Variants in EML2 observed in about 807,000 individuals in gnomAD.
EML2 encodes the protein echinoderm microtubule-associated protein-like 2.
A neutral mutation model predicts 84.7 loss-of-function variants in EML2; 59 were observed. That is an observed-to-expected ratio of 0.70 (90% CI 0.56 to 0.86). The LOEUF is 0.86. EML2 is among the 40% of genes least tolerant of loss of function. The pLI, the probability that EML2 is intolerant of heterozygous loss-of-function variation, is 0.00. For synonymous variants in EML2, 352 were observed against 348.9 expected (o/e 1.01, Z -0.10); for missense variants, 818 against 855.6 (o/e 0.96, Z 0.55).
At chr19:45,625,809 C>A (rs1045977423) in intron 8 of EML2, among the ~76,000 whole-genome samples, 15 of 152,214 alleles carry the variant, frequency 9.9e-5, no homozygotes, top group African/African-American at 3.6e-4. Flanking sequence ...CTCTCTCAGC[C>A]AGGCAGCCTC....
intron 18 of EML2, among the ~76,000 whole-genome samples, chr19:45,610,291 G>A (rs145256697): frequency 2.3e-3 from 347 of 152,290 alleles, no homozygotes; most frequent in Admixed American, 3.9e-3. Context: ...GAGCTACTTC[G>A]GAGGCTGAGG....
At chr19:45,639,184 C>T in intron 1 of EML2, 173 bp downstream of exon 1, 2 of 758,790 alleles carry the variant, frequency 2.6e-6, no homozygotes, top group Non-Finnish European at 4.1e-6. Flanking sequence ...CAGCGCCCCC[C>T]ACCCGCAGTT....
At chr19:45,643,488 G>A (rs1974777912), upstream of EML2, 3 of 1,496,262 alleles carry the variant, frequency 2.0e-6, no homozygotes, top group Non-Finnish European at 2.7e-6. Flanking sequence ...GACTCCCCGA[G>A]TCGCCCCCCC....
At chr19:45,629,506 T>C (rs945311005) in intron 7 of EML2, among the ~76,000 whole-genome samples, 1 of 152,008 alleles carries the variant, frequency 6.6e-6, no homozygotes, top group Admixed American at 6.6e-5. Flanking sequence ...GTATTTTTAG[T>C]AGAGACAGGG....
At chr19:45,627,084 C>T (rs1401410079) in intron 7 of EML2, among the ~76,000 whole-genome samples, 2 of 151,784 alleles carry the variant, frequency 1.3e-5, no homozygotes, top group Non-Finnish European at 2.9e-5. Flanking sequence ...CTCAGCCTCC[C>T]GAATAGCTGG....
chr19:45,642,775 A>C (rs552009647), upstream of EML2: 781 of 153,880 alleles, frequency 5.1e-3, 3 homozygotes, highest in Non-Finnish European at 6.7e-3. Flanking sequence ...ATCCTGGCCA[A>C]CATGGTGAAA....
Position 45,621,570 on chromosome 19 carries a change from CAGGGCG to C in EML2, c.903_908del (p.Cys301_Leu303delinsTrp), listed in dbSNP as rs750846127. ...CTCCAGACACCAGCGTCCCGTCCCG[CAGGGCG>C]CAGAGCCCAAACACGCCGCCGTCGT... On this transcript the variant is annotated inframe_deletion, in exon 10 of 19. Transcript: ENST00000245925. 3.1e-6 allele frequency: 5 copies of C among 1,612,594 alleles called. No individual in the cohort carries two copies. In the Admixed American group the frequency reaches 8.3e-5, roughly 27 times the overall value.
intron 9 of EML2, among the ~76,000 whole-genome samples, chr19:45,621,896 C>G (rs894834423): frequency 6.6e-6 from 1 of 152,072 alleles, no homozygotes; most frequent in Admixed American, 6.5e-5. Context: ...AGGCGCCCAC[C>G]ACCATGCCTG....
chr19:45,614,793 C>A, intron 16 of EML2, 93 bp from the exon 17 acceptor site: 1 of 1,059,078 alleles, frequency 9.4e-7, no homozygotes, highest in Non-Finnish European at 1.5e-6. Context: ...AGGTCCAAGA[C>A]AGAGGAGGCT....
intron 3 of EML2, among the ~76,000 whole-genome samples, chr19:45,637,470 ATTTTTTTTTTT>A (rs66503218): frequency 3.0e-5 from 3 of 101,634 alleles, no homozygotes; most frequent in Admixed American, 2.4e-4. Context: ...ATTATTTTGG[ATTTTTTTTTTT>A]TTTTTTTTTT....
chr19:45,630,137 C>T, intron 6 of EML2, 91 bp from the exon 7 acceptor site: 1 of 941,610 alleles, frequency 1.1e-6, no homozygotes. Context: ...CCACACAGGC[C>T]TGTTTTAAAA....
intron 18 of EML2, among the ~76,000 whole-genome samples, chr19:45,613,162 G>A (rs1334429745): frequency 6.6e-6 from 1 of 152,168 alleles, no homozygotes; most frequent in Non-Finnish European, 1.5e-5. Context: ...GCTTTGCAAA[G>A]TGTTGCGATT....
chr19:45,639,326 A>G, intron 1 of EML2, 31 bp downstream of exon 1: 3 of 1,346,140 alleles, frequency 2.2e-6, no homozygotes, highest in Non-Finnish European at 2.9e-6. Context: ...CGCGGAGAGG[A>G]GATGGGGGGT....
intron 16 of EML2, 24 bp from the exon 17 acceptor site, chr19:45,614,724 C>T: frequency 6.3e-7 from 1 of 1,595,244 alleles, no homozygotes. Flanking sequence ...TGGGAGGAGA[C>T]ATTCAGAGTT....
intron 3 of EML2, among the ~76,000 whole-genome samples, chr19:45,635,451 T>A (rs1464971716): frequency 1.3e-5 from 2 of 151,744 alleles, no homozygotes; most frequent in Non-Finnish European, 2.9e-5. Flanking sequence ...AGGAATGTAT[T>A]TTGCATCACA....
intron 3 of EML2, among the ~76,000 whole-genome samples, chr19:45,637,718 C>T (rs1473058760): frequency 2.8e-5 from 4 of 140,480 alleles, no homozygotes; most frequent in Non-Finnish European, 6.0e-5. Context: ...CTCTTGTGGC[C>T]CAGGCCGGAA....
chr19:45,619,333 C>G, intron 11 of EML2, 142 bp from the exon 12 acceptor site: 1 of 1,100,784 alleles, frequency 9.1e-7, no homozygotes, highest in Non-Finnish European at 1.2e-6. Flanking sequence ...CCCAGTATGT[C>G]TGAAGGGGGC....
chr19:45,614,832 G>T (rs932557914), intron 16 of EML2, 132 bp from the exon 17 acceptor site: 14 of 709,200 alleles, frequency 2.0e-5, no homozygotes, highest in Non-Finnish European at 2.9e-5. Flanking sequence ...CTACCTGTCA[G>T]GACTGGCTGA....
chr19:45,645,273 C>T (rs1974944852), upstream of EML2: 9 of 1,533,300 alleles, frequency 5.9e-6, no homozygotes, highest in African/African-American at 1.4e-5. Context: ...GGGGTCTCAC[C>T]GTTGCAGTAT....
Sources: gnomAD v4.1 joint callset for allele counts (sites outside exome capture counted in the v4.1 genomes callset) on GRCh38, gnomAD v4.1.1 for gene constraint, MANE v1.5 for transcripts, NCBI Gene and HGNC (gene_info 2026-07-23, HGNC 2026-07-21) for gene names.